The following LPCAT1 variants were observed in gnomAD, a reference collection of about 807,000 sequenced individuals.
LPCAT1 encodes the protein lysophosphatidylcholine acyltransferase 1.
Under a neutral mutation model 60.9 loss-of-function variants are expected in LPCAT1, and 23 were observed. The observed-to-expected ratio is 0.38, with a 90% CI of 0.27 to 0.53. The LOEUF (loss-of-function observed/expected upper bound fraction) is 0.53, where lower values mean the gene tolerates loss of function less well. LPCAT1 is among the 20% of genes least tolerant of loss of function. The probability of loss-of-function intolerance (pLI) is 0.82; values close to 1 mark genes in which losing one functional copy is unlikely to be tolerated. For missense variants in LPCAT1, 622 were observed against 723.6 expected (o/e 0.86, Z 1.61); for synonymous variants, 340 against 301.1 (o/e 1.13, Z -1.34).
rs1166549178 is a variant in LPCAT1, at chr5:1,495,429, C to T, written c.279-515G>A. Among the ~76,000 whole-genome samples, 3 of 151,860 alleles carry T rather than the reference C, an allele frequency of 2.0e-5. No homozygotes were observed. The highest frequency in any genetic ancestry group is 4.2e-4 in the South Asian group (2 of 4,812). On this transcript the variant is annotated intron_variant, in intron 2 of 13. Transcript: ENST00000283415. The surrounding 1 kb of genome is among the most constrained non-coding windows in gnomAD (Gnocchi z 4.7). Reference sequence around the variant, plus strand: ...GAAGCCCGGGGTTCCCACAACCAGGCGTTGTGTTATTACAGTGAGCTGTTT... The same window carrying T: ...GAAGCCCGGGGTTCCCACAACCAGGTGTTGTGTTATTACAGTGAGCTGTTT...
At chr5:1,464,636 C>T (rs1734253693) in intron 13 of LPCAT1, among the ~76,000 whole-genome samples, 1 of 149,360 alleles carries the variant, frequency 6.7e-6, no homozygotes, top group South Asian at 2.2e-4. Context: ...GGTAACCACA[C>T]ATGCGTGCAC....
intron 1 of LPCAT1, among the ~76,000 whole-genome samples, chr5:1,520,606 A>G (rs1010939887): frequency 7.2e-5 from 11 of 152,122 alleles, no homozygotes; most frequent in Non-Finnish European, 1.2e-4. Context: ...CACGCCTGTA[A>G]TCCCAGCACT....
chr5:1,483,481 A>G lies in LPCAT1; in HGVS notation c.673T>C (p.Phe225Leu). 6.2e-7 allele frequency: 1 copy of G among 1,613,590 alleles called. No homozygotes were observed. Among genetic ancestry groups the G allele is most frequent in the Non-Finnish European group, 8.5e-7 (1 of 1,179,980 alleles). ...TCLITFKPGA[F>L]IPGAPVQPVV... ...GGCTGGACGGGCGCTCCAGGGATGA[A>G]TGCACCTGCCGAGAAAGGAACAGCG... The change falls in exon 6 of 14, where the codon TTC becomes CTC. Residue 225 changes from phenylalanine (F) to leucine (L), a missense_variant. By Grantham distance (22) the Phe-to-Leu change is conservative (BLOSUM62 0). Coordinates refer to ENST00000283415, the MANE Select transcript of LPCAT1 (RefSeq NM_024830.5). The surrounding 1 kb of genome is among the most constrained non-coding windows in gnomAD (Gnocchi z 9.2).
Position 1,474,694 on chromosome 5 carries a change from A to C in LPCAT1, c.900-9T>G, listed in dbSNP as rs1486685469. The C allele has an allele frequency of 1.9e-6, 3 of 1,610,994 alleles. No homozygotes were observed. The South Asian group carries it at 3.3e-5, about 18-fold the overall frequency. ...CGGAGACACCCAAGGCCCTACAAGG[A>C]GGGCAGCACCCCCGTCAGCCCAGCC... is the stretch of plus-strand genomic sequence containing the variant. On this transcript the variant is annotated splice_polypyrimidine_tract_variant and intron_variant, in intron 9 of 13. Transcript: ENST00000283415.
intron 1 of LPCAT1, among the ~76,000 whole-genome samples, chr5:1,520,943 C>T (rs1468229122): frequency 6.6e-6 from 1 of 150,616 alleles, no homozygotes; most frequent in African/African-American, 2.4e-5. Context: ...GGGAAATACT[C>T]ATACCCACAG....
chr5:1,515,088 G>A (rs528480690), intron 1 of LPCAT1, among the ~76,000 whole-genome samples: 2 of 151,656 alleles, frequency 1.3e-5, no homozygotes, highest in South Asian at 2.1e-4. Flanking sequence ...TCCTGCATCA[G>A]GGGATCCTGC....
At position 1,516,422 on chromosome 5, in the gene LPCAT1, G is replaced by A. The variant is rs57330604; in HGVS notation, c.135+7288C>T. Among the ~76,000 whole-genome samples the A allele has an allele frequency of 3.5e-4, 53 of 152,238 alleles. 1 individual carries two copies. The East Asian group carries it at 8.1e-3, about 23-fold the overall frequency. The stretch of plus-strand genomic sequence containing the variant: ...GATCTAACCCCTCCAGGGTAGCCTA[G>A]GAGAACAAACAGACTCCACTCTAAG... On this transcript the variant is annotated intron_variant, in intron 1 of 13. Transcript: ENST00000283415.
intron 8 of LPCAT1, among the ~76,000 whole-genome samples, chr5:1,478,939 G>A (rs1379720288): frequency 6.6e-6 from 1 of 152,210 alleles, no homozygotes; most frequent in Non-Finnish European, 1.5e-5. Flanking sequence ...GCTGAGAAGG[G>A]GGATCTTTGA....
intron 5 of LPCAT1, among the ~76,000 whole-genome samples, chr5:1,484,855 G>A (rs1182076092): frequency 6.6e-6 from 1 of 152,248 alleles, no homozygotes; most frequent in African/African-American, 2.4e-5. Flanking sequence ...TTCCTGCTGT[G>A]GGCTCAGCAG....
Position 1,521,539 on chromosome 5 carries a change from G to C in LPCAT1, c.135+2171C>G. ...TTTGCAAAGCAATGCTTGGTGAAAA[G>C]CAAAATGTTTCTGCAGAGAACTTTG... On this transcript the variant is annotated intron_variant, in intron 1 of 13. Transcript: ENST00000283415. This position sits in a 1 kb window ranked among gnomAD's most constrained non-coding sequence, Gnocchi z 4.3. 1 of 949,850 alleles carries C rather than the reference G, an allele frequency of 1.1e-6. No homozygotes were observed. Among genetic ancestry groups the C allele is most frequent in the South Asian group, 4.9e-5 (1 of 20,570 alleles). The allele number at this position is 949,850 out of a possible 1,614,324, so 58.8% of individuals were successfully genotyped here.
At chr5:1,510,004 C>T (rs1451400538) in intron 1 of LPCAT1, among the ~76,000 whole-genome samples, 1 of 152,194 alleles carries the variant, frequency 6.6e-6, no homozygotes, top group Admixed American at 6.5e-5. Context: ...TTTATGTTTA[C>T]TGGGTATTCC....
chr5:1,494,936 C>T, intron 2 of LPCAT1, 22 bp from the exon 3 acceptor site: 1 of 1,564,322 alleles, frequency 6.4e-7, no homozygotes, highest in African/African-American at 1.4e-5. Flanking sequence ...GGCGCTGCGT[C>T]ACGCGGGCAC....
rs769875363 is a variant in LPCAT1 at position 1,495,290 on chromosome 5, TG to T, written c.279-377del. ...TTATCAGCATCCTATCATTTTGAAA[TG>T]GGAAAAACATTAAAACACCTAAAAC... On this transcript the variant is annotated intron_variant, in intron 2 of 13. Transcript: ENST00000283415. The surrounding 1 kb of genome is among the most constrained non-coding windows in gnomAD (Gnocchi z 4.7). Among the ~76,000 whole-genome samples, 147 of 146,740 alleles carry T rather than the reference TG, an allele frequency of 1.0e-3. 1 individual carries two copies. Among genetic ancestry groups the T allele is most frequent in the Admixed American group, 2.7e-3 (40 of 14,666 alleles).
At position 1,521,819 on chromosome 5, in the gene LPCAT1, C is replaced by G. The variant is rs1579822687; in HGVS notation, c.135+1891G>C. 1.3e-5 allele frequency among the ~76,000 whole-genome samples: 2 copies of G among 152,210 alleles called. No homozygotes were observed. The highest frequency in any genetic ancestry group is 3.8e-4 in the East Asian group (2 of 5,198). On this transcript the variant is annotated intron_variant, in intron 1 of 13. Transcript: ENST00000283415. The surrounding 1 kb of genome is among the most constrained non-coding windows in gnomAD (Gnocchi z 4.3). ...CCCCCTGCCCAAGAGCCACTGGGAG[C>G]AGCTTGCACCCTGAGGTCTCGGGGA...
chr5:1,466,058 G>A (rs186248075), intron 13 of LPCAT1, among the ~76,000 whole-genome samples: 1 of 152,360 alleles, frequency 6.6e-6, no homozygotes, highest in East Asian at 1.9e-4. Flanking sequence ...CTTCCAGGTG[G>A]GGATTGCGGC....
intron 1 of LPCAT1, among the ~76,000 whole-genome samples, chr5:1,510,229 A>G (rs78899224): frequency 1.4e-3 from 215 of 152,188 alleles, no homozygotes; most frequent in Middle Eastern, 0.01. Context: ...TCTCCCCCAC[A>G]GCCCGTGCTT....
chr5:1,474,017 G>A lies in LPCAT1; in HGVS notation c.1119C>T (p.Ala373=), dbSNP rs140795741. Reference sequence around the variant, plus strand: ...CAGAAACGGGGACTTCCAGGGAGGCGGCAAACTCCGCAATACCTATCTTCT... The same window carrying A: ...CAGAAACGGGGACTTCCAGGGAGGCAGCAAACTCCGCAATACCTATCTTCT... ...GGEKIGIAEF[A]ASLEVPVSDL... The change falls in exon 11 of 14, where the codon GCC becomes GCT. Residue 373 remains alanine, a synonymous_variant. Coordinates refer to ENST00000283415, the MANE Select transcript of LPCAT1 (RefSeq NM_024830.5). 8.0e-5 allele frequency: 129 copies of A among 1,614,162 alleles called. No individual in the cohort carries two copies. Among genetic ancestry groups the A allele is most frequent in the African/African-American group, 7.5e-4 (56 of 75,040 alleles).
intron 13 of LPCAT1, among the ~76,000 whole-genome samples, chr5:1,465,625 A>G (rs1254826362): frequency 6.6e-6 from 1 of 151,494 alleles, no homozygotes; most frequent in Non-Finnish European, 1.5e-5. Flanking sequence ...ACACACACAA[A>G]ACAAGCACAA....
At position 1,463,644 on chromosome 5, in the gene LPCAT1, C is replaced by T; in HGVS notation, c.*7G>A. 6.2e-7 allele frequency: 1 copy of T among 1,613,880 alleles called. No homozygotes were observed. The highest frequency in any genetic ancestry group is 8.5e-7 in the Non-Finnish European group (1 of 1,180,012). ...GGAGGGGCCGCGTCTCTCCGCAACC[C>T]TGGGTCCTAATCCAGCTTCTTGCGA... On this transcript the variant is annotated 3_prime_UTR_variant, in exon 14 of 14. Coordinates refer to ENST00000283415, the MANE Select transcript of LPCAT1 (RefSeq NM_024830.5).
Sources: allele counts gnomAD v4.1 joint callset (sites outside exome capture counted in the v4.1 genomes callset), GRCh38; gene constraint gnomAD v4.1.1; non-coding constraint Gnocchi (gnomAD v3.1); transcripts MANE v1.5; gene names NCBI Gene and HGNC (gene_info 2026-07-23, HGNC 2026-07-21).